Variants in DLGAP1 observed in about 807,000 individuals in gnomAD.
DLGAP1 encodes the protein DLG associated protein 1.
A neutral mutation model predicts 90.8 loss-of-function variants in DLGAP1; 11 were observed. The ratio of observed to expected loss-of-function variants is 0.12; its 90% CI spans 0.08 to 0.20. The LOEUF is 0.20. Ranked by LOEUF, DLGAP1 falls within the 10% of genes least tolerant of loss-of-function variation. The pLI is 1.00. For missense variants in DLGAP1, 1,050 were observed against 1,333.8 expected (o/e 0.79, Z 3.31); for synonymous variants, 558 against 540.7 (o/e 1.03, Z -0.44).
chr18:4,072,733 G>A (rs2075467962), intron 2 of DLGAP1, among the ~76,000 whole-genome samples: 1 of 152,152 alleles, frequency 6.6e-6, no homozygotes, highest in Non-Finnish European at 1.5e-5. Flanking sequence ...GCCTCCCAAA[G>A]TGCTGGGATT....
At chr18:4,246,269 A>AT (rs1397648138) in intron 1 of DLGAP1, among the ~76,000 whole-genome samples, 5 of 152,008 alleles carry the variant, frequency 3.3e-5, no homozygotes, top group Admixed American at 1.3e-4. Flanking sequence ...TCCTGATTTG[A>AT]TAAAAAAAAG....
intron 5 of DLGAP1, among the ~76,000 whole-genome samples, chr18:3,787,634 T>C (rs528684358): frequency 1.3e-5 from 2 of 152,254 alleles, no homozygotes; most frequent in South Asian, 4.1e-4. Context: ...CAATGGAGGC[T>C]GCATGATCCT....
At chr18:3,559,004 G>A (rs11877651) in intron 9 of DLGAP1, among the ~76,000 whole-genome samples, 10,821 of 152,240 alleles carry the variant, frequency 0.071, 448 homozygotes, top group Middle Eastern at 0.16. Context: ...TGGAAACAAA[G>A]ACATCATCCT....
In DLGAP1 at chr18:3,534,526, G is replaced by A. The variant is rs917274556; in HGVS notation, c.2147C>T (p.Ser716Phe). 6 of 1,614,022 alleles carry A rather than the reference G, an allele frequency of 3.7e-6. No homozygotes were observed. In the African/African-American group the frequency reaches 5.3e-5, roughly 14 times the overall value. ...FHDNLENSLE[S>F]IEDNSCPGPM... ...GCCAGGACACGAATTGTCCTCTATA[G>A]ATTCCAGAGAATTTTCCAGATTATC... The change falls in exon 10 of 13, where the codon TCT becomes TTT. Residue 716 changes from serine to phenylalanine, a missense_variant. By Grantham distance (155) the Ser-to-Phe change is radical. Transcript: ENST00000315677.
rs150262969 is a variant in DLGAP1, at chr18:3,964,397, C to T, written c.-73+40719G>A. The stretch of plus-strand genomic sequence containing the variant: ...AGCTGTAGAAGGAGAAAAGAGTCTG[C>T]GTGAATACGGCAGAGGTGGTGAGAA... On this transcript the variant is annotated intron_variant, in intron 3 of 12. Coordinates refer to ENST00000315677, the MANE Select transcript of DLGAP1 (RefSeq NM_004746.4). Among the ~76,000 whole-genome samples, 136 of 152,254 alleles carry T rather than the reference C, an allele frequency of 8.9e-4. 2 individuals are homozygous for T. The East Asian group carries it at 0.024, about 27-fold the overall frequency.
chr18:4,269,347 TA>T (rs2079203507), intron 1 of DLGAP1, among the ~76,000 whole-genome samples: 2 of 134,094 alleles, frequency 1.5e-5, no homozygotes, highest in Admixed American at 7.3e-5. Context: ...TATATATATA[TA>T]TATATATTTT....
intron 2 of DLGAP1, among the ~76,000 whole-genome samples, chr18:4,042,558 T>C (rs917513830): frequency 6.6e-6 from 1 of 152,098 alleles, no homozygotes; most frequent in Non-Finnish European, 1.5e-5. Flanking sequence ...GCCAATATGG[T>C]GAAACCTTGT....
intron 4 of DLGAP1, among the ~76,000 whole-genome samples, chr18:3,867,513 T>G (rs1053222884): frequency 3.3e-5 from 5 of 152,034 alleles, no homozygotes; most frequent in African/African-American, 1.2e-4. Flanking sequence ...ACCACTGGTA[T>G]GGGTTTCTAA....
At chr18:3,961,094 G>C (rs1001653820) in intron 3 of DLGAP1, among the ~76,000 whole-genome samples, 13 of 152,132 alleles carry the variant, frequency 8.5e-5, no homozygotes, top group South Asian at 4.1e-4. Context: ...TGGGCCGCTG[G>C]GGGAGCAGGC....
intron 4 of DLGAP1, among the ~76,000 whole-genome samples, chr18:3,837,711 G>T (rs967085177): frequency 1.3e-4 from 19 of 151,706 alleles, no homozygotes; most frequent in Non-Finnish European, 2.5e-4. Context: ...AATTAGCTGG[G>T]CGTGGTGGTG....
chr18:4,131,998 A>G (rs941990050), intron 2 of DLGAP1, among the ~76,000 whole-genome samples: 1 of 152,208 alleles, frequency 6.6e-6, no homozygotes, highest in South Asian at 2.1e-4. Flanking sequence ...CAGAATTTCA[A>G]AAGCGGTTGA....
chr18:3,713,343 A>G (rs1352275662), intron 7 of DLGAP1, among the ~76,000 whole-genome samples: 1 of 152,392 alleles, frequency 6.6e-6, no homozygotes, highest in East Asian at 1.9e-4. Flanking sequence ...GCAAAGAATG[A>G]TAAGAATGAG....
chr18:3,542,470 C>T (rs1339009154), intron 9 of DLGAP1, among the ~76,000 whole-genome samples: 1 of 152,190 alleles, frequency 6.6e-6, no homozygotes, highest in Non-Finnish European at 1.5e-5. Flanking sequence ...GAAAAGAGTT[C>T]TCGCAGCAAC....
intron 1 of DLGAP1, among the ~76,000 whole-genome samples, chr18:4,161,742 ACT>A (rs1483681199): frequency 6.6e-6 from 1 of 152,150 alleles, no homozygotes; most frequent in Non-Finnish European, 1.5e-5. Context: ...ACAAAATGTA[ACT>A]CTGTTCCCAG....
At chr18:4,089,781 C>A (rs991604586) in intron 2 of DLGAP1, among the ~76,000 whole-genome samples, 3 of 152,218 alleles carry the variant, frequency 2.0e-5, no homozygotes, top group Non-Finnish European at 4.4e-5. Context: ...CACGGTGGCT[C>A]ACGCCTGTAG....
At chr18:3,556,762 T>C (rs181617082) in intron 9 of DLGAP1, among the ~76,000 whole-genome samples, 1 of 152,308 alleles carries the variant, frequency 6.6e-6, no homozygotes. Flanking sequence ...TCAATTCATG[T>C]GGATAAATTC....
chr18:4,369,296 CGTGT>C (rs35537864), intron 1 of DLGAP1, among the ~76,000 whole-genome samples: 13 of 151,722 alleles, frequency 8.6e-5, no homozygotes, highest in East Asian at 1.9e-4. Context: ...TATGAGTGTG[CGTGT>C]GTGTGTGTAT....
intron 7 of DLGAP1, among the ~76,000 whole-genome samples, chr18:3,614,443 C>T (rs2057762026): frequency 6.6e-6 from 1 of 152,126 alleles, no homozygotes; most frequent in Admixed American, 6.6e-5. Flanking sequence ...TCATAAATTG[C>T]ACACTTCCCC....
chr18:4,071,756 G>C (rs1386515281), intron 2 of DLGAP1, among the ~76,000 whole-genome samples: 3 of 152,160 alleles, frequency 2.0e-5, no homozygotes, highest in Non-Finnish European at 2.9e-5. Context: ...CGAAGGAGAG[G>C]TGGAAGAGAC....
Sources: allele counts gnomAD v4.1 joint callset (sites outside exome capture counted in the v4.1 genomes callset), GRCh38; gene constraint gnomAD v4.1.1; transcripts MANE v1.5; gene names NCBI Gene and HGNC (gene_info 2026-07-23, HGNC 2026-07-21).